The following NPAS3 variants were observed in gnomAD, a reference collection of about 807,000 sequenced individuals.
NPAS3 encodes neuronal PAS domain protein 3, also known as neuronal PAS domain-containing protein 3.
NPAS3 carries 14 observed loss-of-function variants against 73.1 expected under a neutral mutation model. That is an observed-to-expected ratio of 0.19 (90% CI 0.13 to 0.30). The LOEUF (loss-of-function observed/expected upper bound fraction) is 0.30. NPAS3 is among the 10% of genes least tolerant of loss of function. The pLI, the probability that NPAS3 is intolerant of heterozygous loss-of-function variation, is 1.00. For missense variants in NPAS3, 1,096 were observed against 1,250.0 expected (o/e 0.88, Z 1.86); for synonymous variants, 620 against 541.5 (o/e 1.14, Z -2.01).
At chr14:33,513,969 G>A (rs1162045789) in intron 4 of NPAS3, among the ~76,000 whole-genome samples, 2 of 152,016 alleles carry the variant, frequency 1.3e-5, no homozygotes, top group Admixed American at 6.6e-5. Flanking sequence ...TACCCCAGGC[G>A]CAAGAGTAAT....
intron 2 of NPAS3, among the ~76,000 whole-genome samples, chr14:33,121,167 A>T (rs1595491362): frequency 1.3e-5 from 2 of 152,104 alleles, no homozygotes; most frequent in Non-Finnish European, 2.9e-5. Context: ...ATACCAAGTG[A>T]CTCATCATGC....
intron 1 of NPAS3, 82 bp downstream of exon 1, chr14:32,939,448 G>C: frequency 2.5e-6 from 1 of 399,996 alleles, no homozygotes; most frequent in Middle Eastern, 6.2e-4. Flanking sequence ...GCCCCTCTCC[G>C]CAGCCCGCCC....
At chr14:33,387,677 C>T (rs183564149) in intron 4 of NPAS3, among the ~76,000 whole-genome samples, 11 of 152,174 alleles carry the variant, frequency 7.2e-5, no homozygotes, top group Middle Eastern at 6.8e-3. Context: ...TAAGGCCTTC[C>T]AGTCCCCGGA....
chr14:33,778,432 T>C (rs1222734102), intron 8 of NPAS3, 34 bp from the exon 9 acceptor site: 1 of 1,434,374 alleles, frequency 7.0e-7, no homozygotes, highest in South Asian at 1.1e-5. Flanking sequence ...ATTTCCTCCT[T>C]TCTGAATTCC....
At chr14:33,367,940 G>A (rs1460764870) in intron 4 of NPAS3, among the ~76,000 whole-genome samples, 1 of 151,982 alleles carries the variant, frequency 6.6e-6, no homozygotes, top group Non-Finnish European at 1.5e-5. Context: ...TTTTTACTAA[G>A]ACTTTGCCAT....
intron 1 of NPAS3, among the ~76,000 whole-genome samples, chr14:33,053,457 A>G (rs1427573353): frequency 6.6e-6 from 1 of 152,202 alleles, no homozygotes; most frequent in East Asian, 1.9e-4. Flanking sequence ...AGTGACAGGA[A>G]GGGAAGGGAA....
chr14:33,715,399 T>C (rs542151940), intron 6 of NPAS3, among the ~76,000 whole-genome samples: 5 of 152,332 alleles, frequency 3.3e-5, no homozygotes, highest in African/African-American at 1.2e-4. Context: ...TGAAGTGGGT[T>C]GTTTTTCAGT....
intron 1 of NPAS3, among the ~76,000 whole-genome samples, chr14:32,945,289 G>T (rs1397402525): frequency 1.3e-5 from 2 of 152,124 alleles, no homozygotes; most frequent in East Asian, 1.9e-4. Context: ...TGTATAAATT[G>T]AAGTGAAATT....
At chr14:33,771,027 C>G (rs545943014) in intron 7 of NPAS3, among the ~76,000 whole-genome samples, 1 of 152,172 alleles carries the variant, frequency 6.6e-6, no homozygotes, top group Non-Finnish European at 1.5e-5. Flanking sequence ...CACAGTTGTG[C>G]GGCTATTAAG....
At chr14:33,482,756 A>T (rs2051390863) in intron 4 of NPAS3, among the ~76,000 whole-genome samples, 1 of 150,740 alleles carries the variant, frequency 6.6e-6, no homozygotes, top group East Asian at 2.0e-4. Flanking sequence ...CCCAACCTTC[A>T]CCCCACTGCT....
chr14:33,173,714 C>T (rs1205089395), intron 2 of NPAS3, among the ~76,000 whole-genome samples: 1 of 152,148 alleles, frequency 6.6e-6, no homozygotes, highest in East Asian at 1.9e-4. Flanking sequence ...TGCTTTTATT[C>T]TCTGATGAAT....
intron 3 of NPAS3, among the ~76,000 whole-genome samples, chr14:33,324,628 G>A (rs948438685): frequency 4.6e-5 from 7 of 152,232 alleles, no homozygotes; most frequent in Admixed American, 4.6e-4. Context: ...ATTTCATAGC[G>A]ATAGAAAATA....
chr14:33,327,223 A>G (rs1940845420), intron 3 of NPAS3, among the ~76,000 whole-genome samples: 1 of 152,210 alleles, frequency 6.6e-6, no homozygotes, highest in African/African-American at 2.4e-5. Flanking sequence ...AATGTTAGAT[A>G]TTATTTTATT....
At chr14:33,124,993 C>T (rs2043372791) in intron 2 of NPAS3, among the ~76,000 whole-genome samples, 1 of 151,970 alleles carries the variant, frequency 6.6e-6, no homozygotes, top group South Asian at 2.1e-4. Context: ...TGGAGAACTA[C>T]CTATAGGAAA....
chr14:33,682,416 C>T (rs2059965526), intron 6 of NPAS3, among the ~76,000 whole-genome samples: 1 of 152,140 alleles, frequency 6.6e-6, no homozygotes, highest in African/African-American at 2.4e-5. Context: ...AGCTTTTATC[C>T]AAAATTATCT....
chr14:33,689,905 A>G (rs1291761529), intron 6 of NPAS3, among the ~76,000 whole-genome samples: 1 of 152,148 alleles, frequency 6.6e-6, no homozygotes, highest in Non-Finnish European at 1.5e-5. Flanking sequence ...GCTCCACTTT[A>G]GAATAGACCT....
At chr14:33,339,088 T>A (rs1454508624) in intron 3 of NPAS3, among the ~76,000 whole-genome samples, 1 of 152,236 alleles carries the variant, frequency 6.6e-6, no homozygotes, top group Admixed American at 6.5e-5. Context: ...GTATTTGTGT[T>A]TGGCCTAACA....
chr14:33,497,784 A>T (rs1478076880), intron 4 of NPAS3, among the ~76,000 whole-genome samples: 1 of 152,000 alleles, frequency 6.6e-6, no homozygotes. Flanking sequence ...AGACATAGGC[A>T]TGGGCAGACT....
At position 33,388,546 on chromosome 14, in the gene NPAS3, G is replaced by A. The variant is rs1473145394; in HGVS notation, c.468+21278G>A. Among the ~76,000 whole-genome samples the A allele has an allele frequency of 2.6e-5, 4 of 152,116 alleles. No homozygotes were observed. In the East Asian group the frequency reaches 5.8e-4, roughly 22 times the overall value. Reference sequence around the variant, plus strand: ...CTCTGAAGGCAAGAGGAAGAACCAGGTAGTGGTTGTGATAGTTGTGGGGAA... The same window carrying A: ...CTCTGAAGGCAAGAGGAAGAACCAGATAGTGGTTGTGATAGTTGTGGGGAA... On this transcript the variant is annotated intron_variant, in intron 4 of 11. Transcript: ENST00000356141.
Sources: allele counts gnomAD v4.1 joint callset (sites outside exome capture counted in the v4.1 genomes callset), GRCh38; gene constraint gnomAD v4.1.1; transcripts MANE v1.5; gene names NCBI Gene and HGNC (gene_info 2026-07-23, HGNC 2026-07-21).